PICALM: variants seen among roughly 807,000 people sequenced by gnomAD.
The protein encoded by PICALM is phosphatidylinositol binding clathrin assembly protein.
A neutral mutation model predicts 80.5 loss-of-function variants in PICALM; 40 were observed. The observed-to-expected ratio is 0.50, with a 90% CI of 0.39 to 0.65. PICALM has a LOEUF of 0.65. Ranked by LOEUF, PICALM falls within the 30% of genes least tolerant of loss-of-function variation. The pLI is 0.00. For missense variants in PICALM, 676 were observed against 778.9 expected (o/e 0.87, Z 1.57); for synonymous variants, 288 against 260.3 (o/e 1.11, Z -1.02).
chr11:86,040,018 A>AAAAAG (rs2095927518), intron 1 of PICALM, among the ~76,000 whole-genome samples: 1 of 142,858 alleles, frequency 7.0e-6, no homozygotes, highest in African/African-American at 2.6e-5. Context: ...AAAAAAAAAA[A>AAAAAG]AAAAAAAAAG....
intron 11 of PICALM, among the ~76,000 whole-genome samples, chr11:85,998,510 A>AG (rs2095047934): frequency 6.6e-6 from 1 of 150,940 alleles, no homozygotes; most frequent in South Asian, 2.1e-4. Flanking sequence ...AGGGGTCTGG[A>AG]GGCTGGGTGT....
intron 19 of PICALM, chr11:85,974,346 T>C: frequency 5.0e-6 from 2 of 397,528 alleles, no homozygotes; most frequent in Admixed American, 5.9e-5. Context: ...GTAGCATCAT[T>C]CTAGCCATTA....
At chr11:86,016,388 A>G (rs1565423333) in intron 4 of PICALM, among the ~76,000 whole-genome samples, 1 of 152,210 alleles carries the variant, frequency 6.6e-6, no homozygotes, top group African/African-American at 2.4e-5. Context: ...CTTTGGTCAC[A>G]TATCCCTGTG....
intron 17 of PICALM, among the ~76,000 whole-genome samples, chr11:85,977,463 G>C (rs1399558450): frequency 6.6e-6 from 1 of 152,112 alleles, no homozygotes; most frequent in Non-Finnish European, 1.5e-5. Context: ...TCCTGTGTGT[G>C]TTTCTCATAA....
Position 85,974,731 on chromosome 11 carries a change from A to C in PICALM, c.1921T>G (p.Phe641Val). The change falls in exon 19 of 20, where the codon TTT becomes GTT. Residue 641 changes from phenylalanine (F) to valine (V), a missense_variant. By Grantham distance (50) the Phe-to-Val change is conservative (BLOSUM62 -1). Around this residue, in one of 2 missense-constraint regions of PICALM, gnomAD observed 391 missense variants for 383.6 expected, o/e 1.02. Coordinates refer to ENST00000393346, the MANE Select transcript of PICALM (RefSeq NM_007166.4). ...ACCTGTGCTCCTGATACAGGGCCAA[A>C]GGGGTTTGGAGGTCTCATGACAGGC... ...SQPVMRPPNP[F>V]GPVSGAQIQF... The C allele has an allele frequency of 6.2e-7, 1 of 1,612,006 alleles. No individual in the cohort carries two copies. Among genetic ancestry groups the C allele is most frequent in the Non-Finnish European group, 8.5e-7 (1 of 1,178,160 alleles).
At chr11:85,968,293 A>AAAAAC (rs57192979) in intron 19 of PICALM, among the ~76,000 whole-genome samples, 29 of 151,316 alleles carry the variant, frequency 1.9e-4, no homozygotes, top group East Asian at 1.2e-3. Flanking sequence ...CCTGTCTCAA[A>AAAAAC]AAAACAAAAC....
intron 19 of PICALM, chr11:85,960,835 A>G: frequency 1.4e-6 from 1 of 736,918 alleles, no homozygotes; most frequent in South Asian, 1.8e-5. Context: ...ATGACAGAAC[A>G]TGAAAGCAGA....
intron 1 of PICALM, 76 bp downstream of exon 1, chr11:86,068,575 G>A (rs1027940663): frequency 1.7e-5 from 24 of 1,408,922 alleles, no homozygotes; most frequent in South Asian, 5.1e-5. Flanking sequence ...AAGGGTGAAA[G>A]ACAAGAGAGA....
intron 1 of PICALM, among the ~76,000 whole-genome samples, chr11:86,063,834 A>AT (rs2096404631): frequency 6.6e-6 from 1 of 152,150 alleles, no homozygotes; most frequent in Non-Finnish European, 1.5e-5. Context: ...AAGCCCAGAC[A>AT]TTAATTACAA....
chr11:86,017,679 G>A (rs2095502238), intron 4 of PICALM, among the ~76,000 whole-genome samples: 1 of 152,184 alleles, frequency 6.6e-6, no homozygotes, highest in Admixed American at 6.5e-5. Flanking sequence ...AGGGTTATAA[G>A]TGTGCCAAGA....
chr11:86,062,518 CA>C (rs201512372), intron 1 of PICALM, among the ~76,000 whole-genome samples: 110 of 123,202 alleles, frequency 8.9e-4, no homozygotes, highest in African/African-American at 1.5e-3. Context: ...AACTCCGTCT[CA>C]AAAAAAAAAA....
At chr11:86,056,134 T>TAAAAAAAAA (rs376759395) in intron 1 of PICALM, among the ~76,000 whole-genome samples, 3,064 of 76,216 alleles carry the variant, frequency 0.04, 395 homozygotes, top group African/African-American at 0.068. Flanking sequence ...GACTCTGTCT[T>TAAAAAAAAA]TAAAAAAAAA....
chr11:85,982,437 T>C (rs1289089900), intron 14 of PICALM, among the ~76,000 whole-genome samples: 1 of 134,356 alleles, frequency 7.4e-6, no homozygotes, highest in Non-Finnish European at 1.6e-5. Context: ...TTTTTTTTTT[T>C]TGAGACGGAG....
intron 19 of PICALM, among the ~76,000 whole-genome samples, chr11:85,966,380 A>G (rs1344110714): frequency 6.6e-6 from 1 of 152,192 alleles, no homozygotes; most frequent in Non-Finnish European, 1.5e-5. Flanking sequence ...TTCTCCTCTT[A>G]GAATTAGAGA....
At chr11:85,994,778 A>C in intron 12 of PICALM, among the ~76,000 whole-genome samples, 1 of 152,174 alleles carries the variant, frequency 6.6e-6, no homozygotes, top group South Asian at 2.1e-4. Flanking sequence ...ATCTCGGCTC[A>C]TTGCAATTTC....
chr11:85,997,968 G>T (rs998901061), intron 11 of PICALM, among the ~76,000 whole-genome samples: 1 of 151,926 alleles, frequency 6.6e-6, no homozygotes, highest in African/African-American at 2.4e-5. Context: ...CTTTAGTAGA[G>T]ACAGGGTTTC....
intron 1 of PICALM, among the ~76,000 whole-genome samples, chr11:86,035,733 A>T (rs1476139058): frequency 6.6e-6 from 1 of 151,606 alleles, no homozygotes; most frequent in Non-Finnish European, 1.5e-5. Context: ...ACCTGAGGTC[A>T]GGAGTTCGAG....
chr11:86,009,098 A>T (rs1247996374), intron 7 of PICALM, among the ~76,000 whole-genome samples: 2 of 151,642 alleles, frequency 1.3e-5, no homozygotes, highest in Non-Finnish European at 2.9e-5. Flanking sequence ...TGAGGTCAGG[A>T]GTTCCAGATT....
intron 3 of PICALM, among the ~76,000 whole-genome samples, chr11:86,024,499 C>T (rs180891397): frequency 6.7e-6 from 1 of 148,938 alleles, no homozygotes; most frequent in African/African-American, 2.5e-5. Context: ...ATTAACTCTA[C>T]ACTAGATAAC....
Sources: allele counts gnomAD v4.1 joint callset (sites outside exome capture counted in the v4.1 genomes callset), GRCh38; gene constraint gnomAD v4.1.1; regional missense constraint gnomAD v4.1.1; transcripts MANE v1.5; gene names NCBI Gene and HGNC (gene_info 2026-07-23, HGNC 2026-07-21).